NRXN1: variants seen among roughly 807,000 people sequenced by gnomAD.
NRXN1 encodes neurexin 1.
A neutral mutation model predicts 150.9 loss-of-function variants in NRXN1; 39 were observed. The observed-to-expected ratio is 0.26, with a 90% CI of 0.20 to 0.34. The LOEUF is 0.34. NRXN1 is among the 10% of genes least tolerant of loss of function. The pLI, the probability that NRXN1 is intolerant of heterozygous loss-of-function variation, is 1.00. For missense variants in NRXN1, 1,815 were observed against 1,949.9 expected (o/e 0.93, Z 1.30); for synonymous variants, 924 against 757.0 (o/e 1.22, Z -3.62).
At chr2:50,911,846 T>C (rs1314044047) in intron 5 of NRXN1, among the ~76,000 whole-genome samples, 1 of 151,896 alleles carries the variant, frequency 6.6e-6, no homozygotes, top group Non-Finnish European at 1.5e-5. Flanking sequence ...ACAATGAAAA[T>C]TTTAATGACC....
rs796650928 is a variant in NRXN1 at position 50,330,173 on chromosome 2, AT to A, written c.3365-93204del. On this transcript the variant is annotated intron_variant, in intron 17 of 22. Coordinates refer to ENST00000401669, the MANE Select transcript of NRXN1 (RefSeq NM_001330078.2). ...AATACAGTCTGCACAGTAGGCTTCT[AT>A]TTTTTTTTAAATGATTAAATACATA... is the stretch of plus-strand genomic sequence containing the variant. Among the ~76,000 whole-genome samples the A allele has an allele frequency of 5.5e-4, 83 of 151,308 alleles. 1 individual carries two copies. The highest frequency in any genetic ancestry group is 1.5e-3 in the African/African-American group (60 of 41,292).
chr2:49,967,691 G>A (rs1677200172), intron 21 of NRXN1, among the ~76,000 whole-genome samples: 1 of 152,034 alleles, frequency 6.6e-6, no homozygotes, highest in South Asian at 2.1e-4. Flanking sequence ...GAAATAGGCT[G>A]GAGTCAGTAT....
chr2:50,926,132 T>C lies in NRXN1; in HGVS notation c.773-177A>G, dbSNP rs536674170. Among the ~76,000 whole-genome samples, 338 of 152,034 alleles carry C rather than the reference T, an allele frequency of 2.2e-3. 1 individual carries two copies. The highest frequency in any genetic ancestry group is 3.4e-3 in the Non-Finnish European group (228 of 67,928). On this transcript the variant is annotated intron_variant, in intron 2 of 22. Coordinates refer to ENST00000401669, the MANE Select transcript of NRXN1 (RefSeq NM_001330078.2). ...TCACAGGGAAGCAGGTTCCCTCCCA[T>C]TGGCAGCATTGATAGGAAGTGAGAC...
intron 17 of NRXN1, among the ~76,000 whole-genome samples, chr2:50,239,555 G>A (rs2065793667): frequency 6.8e-6 from 1 of 148,128 alleles, no homozygotes; most frequent in Admixed American, 6.8e-5. Flanking sequence ...TTACTTCCAT[G>A]CTATATCTGA....
chr2:50,802,636 G>A (rs1404669186), intron 5 of NRXN1, among the ~76,000 whole-genome samples: 1 of 151,580 alleles, frequency 6.6e-6, no homozygotes, highest in Non-Finnish European at 1.5e-5. Flanking sequence ...AAAGAAGGGA[G>A]GGAGGAGGGA....
intron 18 of NRXN1, among the ~76,000 whole-genome samples, chr2:50,232,953 A>T (rs571842533): frequency 6.6e-6 from 1 of 152,160 alleles, no homozygotes; most frequent in African/African-American, 2.4e-5. Context: ...GAAGCTTCTC[A>T]ATAATATGGC....
rs140320850 is a variant in NRXN1, at chr2:50,129,690, G to A, written c.3547-38196C>T. On this transcript the variant is annotated intron_variant, in intron 18 of 22. Coordinates refer to ENST00000401669, the MANE Select transcript of NRXN1 (RefSeq NM_001330078.2). ...GACCAATTTGGTTCCTTTAAAAAAG[G>A]CAATCTTTATAGATGCCCAGCAAAA... Among the ~76,000 whole-genome samples the A allele has an allele frequency of 2.2e-3, 342 of 152,180 alleles. 1 individual carries two copies. The highest frequency in any genetic ancestry group is 8.0e-3 in the African/African-American group (333 of 41,532).
At chr2:50,785,721 A>C (rs1705021636) in intron 5 of NRXN1, among the ~76,000 whole-genome samples, 1 of 152,124 alleles carries the variant, frequency 6.6e-6, no homozygotes, top group African/African-American at 2.4e-5. Flanking sequence ...ACAGGTGAGT[A>C]GAGCAGGAGC....
intron 5 of NRXN1, among the ~76,000 whole-genome samples, chr2:50,652,254 T>C (rs925552223): frequency 1.3e-5 from 2 of 152,074 alleles, no homozygotes; most frequent in African/African-American, 2.4e-5. Flanking sequence ...TTACAGACCA[T>C]AAAATTCACT....
intron 12 of NRXN1, among the ~76,000 whole-genome samples, chr2:50,516,014 C>T (rs1345192981): frequency 6.6e-6 from 1 of 152,180 alleles, no homozygotes; most frequent in African/African-American, 2.4e-5. Context: ...ATTAACTCCT[C>T]ATTACAGGTT....
chr2:50,404,517 G>T (rs1010977659), intron 17 of NRXN1, among the ~76,000 whole-genome samples: 2 of 152,050 alleles, frequency 1.3e-5, no homozygotes, highest in African/African-American at 4.8e-5. Flanking sequence ...TAGGGTTGAA[G>T]TGGGAGATAT....
At chr2:50,548,973 G>C (rs764696913) in intron 9 of NRXN1, among the ~76,000 whole-genome samples, 2 of 152,052 alleles carry the variant, frequency 1.3e-5, no homozygotes, top group Non-Finnish European at 2.9e-5. Flanking sequence ...CAAATCAACA[G>C]ATATGGCCTC....
chr2:50,070,367 T>G lies in NRXN1; in HGVS notation c.3719-15323A>C, dbSNP rs375884512. Among the ~76,000 whole-genome samples, 38 of 152,290 alleles carry G rather than the reference T, an allele frequency of 2.5e-4. 2 individuals carry two copies. The South Asian group carries it at 6.4e-3, about 26-fold the overall frequency. ...TATCAAAATAAACCTTTTCTTGGAT[T>G]GCTGAAACACCTGTGATCATGGGAT... On this transcript the variant is annotated intron_variant, in intron 19 of 22. Transcript: ENST00000401669.
At chr2:50,215,705 A>G (rs1380965228) in intron 18 of NRXN1, among the ~76,000 whole-genome samples, 1 of 152,046 alleles carries the variant, frequency 6.6e-6, no homozygotes, top group Admixed American at 6.6e-5. Flanking sequence ...ATTTAAAATA[A>G]GACATCATGA....
intron 5 of NRXN1, among the ~76,000 whole-genome samples, chr2:50,738,756 GAACA>G (rs1244719242): frequency 6.6e-6 from 1 of 152,182 alleles, no homozygotes; most frequent in East Asian, 1.9e-4. Flanking sequence ...GATATACTAA[GAACA>G]AACAATCAAA....
chr2:49,984,309 A>G (rs961010768), intron 21 of NRXN1, among the ~76,000 whole-genome samples: 1 of 152,220 alleles, frequency 6.6e-6, no homozygotes, highest in African/African-American at 2.4e-5. Context: ...ACATATTTTA[A>G]GCCACATTTT....
chr2:50,351,173 A>G (rs753539749), intron 17 of NRXN1, among the ~76,000 whole-genome samples: 16 of 152,180 alleles, frequency 1.1e-4, no homozygotes, highest in Non-Finnish European at 2.2e-4. Flanking sequence ...AATCTCACAA[A>G]TTGTTCTCAG....
At chr2:50,756,957 G>A (rs915058737) in intron 5 of NRXN1, among the ~76,000 whole-genome samples, 1 of 151,750 alleles carries the variant, frequency 6.6e-6, no homozygotes, top group Non-Finnish European at 1.5e-5. Flanking sequence ...TTTGAAAAAC[G>A]GCTGTGTTGC....
At chr2:50,790,198 T>C (rs940716512) in intron 5 of NRXN1, among the ~76,000 whole-genome samples, 15 of 152,008 alleles carry the variant, frequency 9.9e-5, no homozygotes, top group African/African-American at 3.4e-4. Flanking sequence ...TTCCGAATTA[T>C]GAAATGTGCC....
Sources: allele counts gnomAD v4.1 joint callset (sites outside exome capture counted in the v4.1 genomes callset), GRCh38; gene constraint gnomAD v4.1.1; transcripts MANE v1.5; gene names NCBI Gene and HGNC (gene_info 2026-07-23, HGNC 2026-07-21).